The following CLSTN2 variants were observed in gnomAD, a reference collection of about 807,000 sequenced individuals.
CLSTN2 encodes the protein calsyntenin 2.
In CLSTN2, 48 loss-of-function variants were observed where a neutral mutation model predicts 101.2. The ratio of observed to expected loss-of-function variants is 0.47; its 90% CI spans 0.38 to 0.60. The LOEUF is 0.60. Among genes scored for constraint, CLSTN2 ranks in the 20% least tolerant of loss-of-function variants. The probability of loss-of-function intolerance (pLI) is 0.00; values close to 1 mark genes in which losing one functional copy is unlikely to be tolerated. For missense variants in CLSTN2, 1,160 were observed against 1,238.2 expected (o/e 0.94, Z 0.95); for synonymous variants, 481 against 463.6 (o/e 1.04, Z -0.48).
intron 8 of CLSTN2, among the ~76,000 whole-genome samples, chr3:140,515,156 G>A (rs1305964273): frequency 6.6e-6 from 1 of 152,112 alleles, no homozygotes. Flanking sequence ...CCTAGTTTAT[G>A]CACATAAAGG....
chr3:140,497,009 C>T (rs1225161919), intron 8 of CLSTN2, among the ~76,000 whole-genome samples: 3 of 149,552 alleles, frequency 2.0e-5, no homozygotes, highest in Non-Finnish European at 4.4e-5. Context: ...GCTGAGGCAG[C>T]AGAATCACTT....
intron 2 of CLSTN2, among the ~76,000 whole-genome samples, chr3:140,386,681 CTGTCCATCTGCAAGA>C (rs2088055190): frequency 6.6e-6 from 1 of 152,050 alleles, no homozygotes; most frequent in Non-Finnish European, 1.5e-5. Flanking sequence ...TGTCTCCCCT[CTGTCCATCTGCAAGA>C]TGGACAGCTC....
At chr3:140,044,480 G>A (rs1301238572) in intron 1 of CLSTN2, among the ~76,000 whole-genome samples, 2 of 152,128 alleles carry the variant, frequency 1.3e-5, no homozygotes, top group African/African-American at 4.8e-5. Context: ...TGCAAACAGG[G>A]ACAATTTGAC....
intron 1 of CLSTN2, among the ~76,000 whole-genome samples, chr3:140,062,251 G>T (rs1013771653): frequency 3.3e-5 from 5 of 152,076 alleles, no homozygotes; most frequent in Non-Finnish European, 5.9e-5. Flanking sequence ...ACCTCTTTCT[G>T]GTTCCAAGTT....
intron 5 of CLSTN2, among the ~76,000 whole-genome samples, chr3:140,436,559 C>T (rs1352012427): frequency 6.6e-6 from 1 of 152,230 alleles, no homozygotes; most frequent in East Asian, 1.9e-4. Flanking sequence ...AGAGCCCCTT[C>T]TCCCCACCTT....
At chr3:140,096,061 G>A (rs1203476394) in intron 1 of CLSTN2, among the ~76,000 whole-genome samples, 1 of 152,156 alleles carries the variant, frequency 6.6e-6, no homozygotes, top group Non-Finnish European at 1.5e-5. Context: ...AAAAACAAGA[G>A]CGCCTTTCTC....
chr3:140,449,417 GA>G (rs1258363568), intron 6 of CLSTN2: 13 of 152,224 alleles, frequency 8.5e-5, no homozygotes, highest in African/African-American at 3.1e-4. Flanking sequence ...TGAGAAGCAG[GA>G]GATGGCTCAC....
At chr3:140,282,633 A>G (rs1205961618) in intron 2 of CLSTN2, among the ~76,000 whole-genome samples, 1 of 150,688 alleles carries the variant, frequency 6.6e-6, no homozygotes, top group Non-Finnish European at 1.5e-5. Flanking sequence ...GATTCCTCCC[A>G]TATTTGTCAC....
At chr3:140,424,552 C>G (rs954762892) in intron 5 of CLSTN2, among the ~76,000 whole-genome samples, 1 of 152,214 alleles carries the variant, frequency 6.6e-6, no homozygotes, top group African/African-American at 2.4e-5. Flanking sequence ...CTGACCACAA[C>G]TGGTCTGAGT....
At chr3:140,049,772 C>G (rs979437677) in intron 1 of CLSTN2, among the ~76,000 whole-genome samples, 11 of 152,196 alleles carry the variant, frequency 7.2e-5, no homozygotes, top group African/African-American at 1.2e-4. Context: ...AGTGGTGATC[C>G]CAGTGACCCC....
intron 1 of CLSTN2, among the ~76,000 whole-genome samples, chr3:139,956,634 T>C (rs937571911): frequency 1.3e-5 from 2 of 152,178 alleles, no homozygotes; most frequent in Non-Finnish European, 2.9e-5. Context: ...GCAATAACCA[T>C]GAAGAAAACA....
At position 140,546,574 on chromosome 3, in the gene CLSTN2, A is replaced by G. The variant is rs1935589096; in HGVS notation, c.1567A>G (p.Thr523Ala). 6.2e-7 allele frequency: 1 copy of G among 1,614,052 alleles called. No homozygotes were observed. Among genetic ancestry groups the G allele is most frequent in the Non-Finnish European group, 8.5e-7 (1 of 1,179,964 alleles). ...QFFHGSLASLTIRPGKMESQK... is the reference protein window; with the variant it reads ...QFFHGSLASLAIRPGKMESQK... The stretch of plus-strand genomic sequence containing the variant: ...CTTTCATGGAAGCCTGGCCAGTCTC[A>G]CCATCCGCCCTGGCAAAATGGAAAG... Residue 523 changes from threonine to alanine, a missense_variant, in exon 10 of 17, where the codon ACC (threonine) becomes GCC (alanine). Coordinates refer to ENST00000458420, the MANE Select transcript of CLSTN2 (RefSeq NM_022131.3).
intron 2 of CLSTN2, among the ~76,000 whole-genome samples, chr3:140,290,533 G>A (rs1234784934): frequency 6.6e-6 from 1 of 152,092 alleles, no homozygotes; most frequent in Non-Finnish European, 1.5e-5. Flanking sequence ...GGAGGAGGTA[G>A]GGGGAAGGGA....
intron 2 of CLSTN2, among the ~76,000 whole-genome samples, chr3:140,242,802 C>G (rs2086481905): frequency 6.6e-6 from 1 of 152,192 alleles, no homozygotes; most frequent in South Asian, 2.1e-4. Flanking sequence ...AGGAAAAGTG[C>G]TCACTTCTCA....
At chr3:139,964,325 T>C (rs1014424363) in intron 1 of CLSTN2, among the ~76,000 whole-genome samples, 2 of 152,004 alleles carry the variant, frequency 1.3e-5, no homozygotes, top group Non-Finnish European at 2.9e-5. Flanking sequence ...GCTAGAGGAA[T>C]GTAGGAATGA....
intron 1 of CLSTN2, among the ~76,000 whole-genome samples, chr3:140,004,366 C>G (rs973505253): frequency 6.6e-6 from 1 of 152,150 alleles, no homozygotes. Flanking sequence ...GGAGAGCCCT[C>G]TAGGTGAGGT....
chr3:140,212,904 G>T (rs1017219587), intron 2 of CLSTN2, among the ~76,000 whole-genome samples: 1 of 152,146 alleles, frequency 6.6e-6, no homozygotes, highest in Admixed American at 6.5e-5. Context: ...TGTTGTGATT[G>T]CTGGCTCTCT....
intron 2 of CLSTN2, among the ~76,000 whole-genome samples, chr3:140,219,199 A>G (rs1474003298): frequency 2.0e-5 from 3 of 151,960 alleles, no homozygotes; most frequent in Non-Finnish European, 4.4e-5. Flanking sequence ...ATTTATTTCT[A>G]AAGAGTGAGG....
intron 2 of CLSTN2, among the ~76,000 whole-genome samples, chr3:140,221,399 T>C (rs796114344): frequency 3.3e-5 from 5 of 152,216 alleles, no homozygotes; most frequent in African/African-American, 1.2e-4. Flanking sequence ...ACACACACCA[T>C]ATTACATTTT....
Sources: allele counts gnomAD v4.1 joint callset (sites outside exome capture counted in the v4.1 genomes callset), GRCh38; gene constraint gnomAD v4.1.1; transcripts MANE v1.5; gene names NCBI Gene and HGNC (gene_info 2026-07-23, HGNC 2026-07-21).